NPNT: variants seen among roughly 807,000 people sequenced by gnomAD.
The protein encoded by NPNT is preosteoblast EGF-like repeat protein with MAM domain.
In NPNT, 45 loss-of-function variants were observed where a neutral mutation model predicts 68.6. The observed-to-expected ratio is 0.66, with a 90% CI of 0.52 to 0.84. NPNT has a LOEUF of 0.84. Among genes scored for constraint, NPNT ranks in the 40% least tolerant of loss-of-function variants. The pLI, the probability that NPNT is intolerant of heterozygous loss-of-function variation, is 0.00. For missense variants in NPNT, 672 were observed against 714.8 expected, an observed-to-expected ratio of 0.94 and a Z score of 0.68; for synonymous variants, 233 against 253.3, an observed-to-expected ratio of 0.92 and a Z score of 0.76.
At chr4:105,950,332 A>G (rs1405727682) in intron 8 of NPNT, among the ~76,000 whole-genome samples, 2 of 22,908 alleles carry the variant, frequency 8.7e-5, no homozygotes, top group African/African-American at 1.0e-4. Flanking sequence ...TTTATTAACT[A>G]AAATAACATA....
chr4:105,904,606 T>C (rs1726725975), intron 2 of NPNT, among the ~76,000 whole-genome samples: 2 of 152,204 alleles, frequency 1.3e-5, no homozygotes, highest in Admixed American at 6.5e-5. Context: ...GCCTATCATT[T>C]ACTTGTAAGA....
intron 3 of NPNT, among the ~76,000 whole-genome samples, chr4:105,928,106 T>A (rs1037913229): frequency 2.0e-5 from 3 of 152,172 alleles, no homozygotes; most frequent in African/African-American, 7.2e-5. Flanking sequence ...ATTTTTTATT[T>A]GGAGAGACAG....
At chr4:105,925,132 G>A (rs72968685) in intron 2 of NPNT, among the ~76,000 whole-genome samples, 4,939 of 152,124 alleles carry the variant, frequency 0.032, 141 homozygotes, top group African/African-American at 0.082. Flanking sequence ...TAAACCATCC[G>A]CCTAGTGTAC....
intron 8 of NPNT, among the ~76,000 whole-genome samples, chr4:105,945,751 G>T (rs1730332691): frequency 6.6e-6 from 1 of 152,078 alleles, no homozygotes; most frequent in African/African-American, 2.4e-5. Flanking sequence ...AATCAGTAAG[G>T]TACACATACT....
At chr4:105,926,423 T>C (rs1728685596) in intron 2 of NPNT, among the ~76,000 whole-genome samples, 1 of 152,116 alleles carries the variant, frequency 6.6e-6, no homozygotes, top group African/African-American at 2.4e-5. Flanking sequence ...GATAATTTGT[T>C]GTGGCGGGTT....
At chr4:105,905,238 A>G (rs1428878461) in intron 2 of NPNT, among the ~76,000 whole-genome samples, 1 of 152,200 alleles carries the variant, frequency 6.6e-6, no homozygotes, top group African/African-American at 2.4e-5. Flanking sequence ...CCATAGGGGC[A>G]TATATTTTCT....
chr4:105,968,891 C>G lies in NPNT; in HGVS notation c.1603-4C>G, dbSNP rs1438301255. The G allele has an allele frequency of 1.9e-6, 3 of 1,586,242 alleles. No individual in the cohort carries two copies. The Admixed American group carries it at 5.0e-5, about 26-fold the overall frequency. On this transcript the variant is annotated splice_polypyrimidine_tract_variant and splice_region_variant and intron_variant, in intron 11 of 11. Coordinates refer to ENST00000379987, the MANE Select transcript of NPNT (RefSeq NM_001033047.3). ...CTTGACTGGTGTGTGCATTCTCTCC[C>G]TAGGTCGTCTTCAAAGGTGAAAAAA...
chr4:105,956,590 AGG>A (rs1427527739), intron 8 of NPNT, among the ~76,000 whole-genome samples: 1 of 152,224 alleles, frequency 6.6e-6, no homozygotes, highest in African/African-American at 2.4e-5. Context: ...CAACAAAAGA[AGG>A]GGACAAAAAC....
Position 105,896,035 on chromosome 4 carries a change from T to C in NPNT, c.71+312T>C, listed in dbSNP as rs139862342. ...TGGGATCTCGGCTCTGAGGGCGCGG[T>C]TTAGCCACCTACGCCGAGGTGACGC... On this transcript the variant is annotated intron_variant, in intron 1 of 11. Coordinates refer to ENST00000379987, the MANE Select transcript of NPNT (RefSeq NM_001033047.3). The C allele has an allele frequency of 1.6e-3, 651 of 406,520 alleles. 4 individuals carry two copies. The highest frequency in any genetic ancestry group is 0.013 in the African/African-American group (601 of 47,696). 25.2% of individuals were successfully genotyped at this position (406,520 alleles called of 1,614,324 possible). A position where few individuals can be genotyped will look rare whatever the true frequency, so the allele number is the denominator to read the frequency against.
At chr4:105,967,054 A>G (rs1459459001) in intron 10 of NPNT, 134 bp from the exon 11 acceptor site, 12 of 816,210 alleles carry the variant, frequency 1.5e-5, no homozygotes, top group Non-Finnish European at 2.1e-5. Flanking sequence ...AATAAGTCAT[A>G]TTTTTCTTCT....
chr4:105,912,474 T>A, intron 2 of NPNT: 1 of 460,250 alleles, frequency 2.2e-6, no homozygotes, highest in Non-Finnish European at 3.4e-6. Flanking sequence ...TCCTTTCTTC[T>A]GTTTTATGAA....
At chr4:105,955,118 CATTCTA>C (rs1731117118) in intron 8 of NPNT, among the ~76,000 whole-genome samples, 2 of 152,130 alleles carry the variant, frequency 1.3e-5, no homozygotes, top group Non-Finnish European at 2.9e-5. Flanking sequence ...AAATTTATAC[CATTCTA>C]ATTCTAAGAA....
At chr4:105,912,184 G>A in intron 2 of NPNT, 1 of 1,531,766 alleles carries the variant, frequency 6.5e-7, no homozygotes, top group South Asian at 1.2e-5. Flanking sequence ...CATTTGTTTT[G>A]CAGCTTTCTA....
intron 2 of NPNT, 65 bp from the exon 3 acceptor site, chr4:105,927,271 C>T (rs1728755309): frequency 2.0e-6 from 2 of 991,392 alleles, no homozygotes; most frequent in Admixed American, 2.0e-5. Context: ...TAGTGCACGA[C>T]ATCAATGCTA....
chr4:105,968,776 C>A, intron 11 of NPNT, 119 bp from the exon 12 acceptor site: 1 of 591,578 alleles, frequency 1.7e-6, no homozygotes, highest in Non-Finnish European at 3.1e-6. Flanking sequence ...CTGTTTTTTT[C>A]CTCCTGCAAA....
intron 1 of NPNT, chr4:105,896,030 C>T (rs1006933092): frequency 2.4e-6 from 1 of 418,678 alleles, no homozygotes; most frequent in Non-Finnish European, 4.3e-6. Context: ...GCTCTGAGGG[C>T]GCGGTTTAGC....
intron 3 of NPNT, among the ~76,000 whole-genome samples, chr4:105,928,712 AAAGAT>A (rs1291128282): frequency 4.6e-5 from 7 of 152,154 alleles, no homozygotes; most frequent in Admixed American, 3.9e-4. Context: ...CAAAAATAAA[AAAGAT>A]AAGTCAATTT....
At position 105,971,294 on chromosome 4, in the gene NPNT, G is replaced by A; in HGVS notation, c.*2304G>A. ...CAATTGGACTCTCCCAGGTTCCACA[G>A]AACAGTAATATTTTTTGAACAATAG... On this transcript the variant is annotated 3_prime_UTR_variant, in exon 12 of 12. Transcript: ENST00000379987. 1 of 354,668 alleles carries A rather than the reference G, an allele frequency of 2.8e-6. No homozygotes were observed. The allele number at this position is 354,668 out of a possible 1,614,324, so 22.0% of individuals were successfully genotyped here.
At chr4:105,925,671 C>T (rs1003449188) in intron 2 of NPNT, among the ~76,000 whole-genome samples, 2 of 152,138 alleles carry the variant, frequency 1.3e-5, no homozygotes, top group Non-Finnish European at 2.9e-5. Flanking sequence ...TGAGTCCATT[C>T]CCCTTGGTCT....
Sources: gnomAD v4.1 joint callset for allele counts (sites outside exome capture counted in the v4.1 genomes callset) on GRCh38, gnomAD v4.1.1 for gene constraint, MANE v1.5 for transcripts, NCBI Gene and HGNC (gene_info 2026-07-23, HGNC 2026-07-21) for gene names.